The following GTF2E1 variants were observed in gnomAD, a reference collection of about 807,000 sequenced individuals.
GTF2E1 encodes the protein TFIIE alpha subunit.
In GTF2E1, 14 loss-of-function variants were observed where a neutral mutation model predicts 34.9. That is an observed-to-expected ratio of 0.40 (90% CI 0.27 to 0.63). The LOEUF is 0.63. GTF2E1 is among the 20% of genes least tolerant of loss of function. The probability of loss-of-function intolerance (pLI) is 0.39; values close to 1 mark genes in which losing one functional copy is unlikely to be tolerated. For missense variants in GTF2E1, 469 were observed against 557.7 expected (o/e 0.84, Z 1.60); for synonymous variants, 188 against 192.9 (o/e 0.97, Z 0.21).
chr3:120,754,132 T>C (rs1434390902), intron 2 of GTF2E1, among the ~76,000 whole-genome samples: 1 of 152,214 alleles, frequency 6.6e-6, no homozygotes, highest in African/African-American at 2.4e-5. Context: ...GGTGATTTAG[T>C]TAATCACCCT....
chr3:120,778,425 C>T (rs1002798594), intron 4 of GTF2E1, among the ~76,000 whole-genome samples: 9 of 152,122 alleles, frequency 5.9e-5, no homozygotes, highest in Non-Finnish European at 1.0e-4. Context: ...CTTGATTTTC[C>T]TCAAACTTCA....
At chr3:120,762,289 G>A (rs1709271285) in intron 2 of GTF2E1, among the ~76,000 whole-genome samples, 2 of 152,094 alleles carry the variant, frequency 1.3e-5, no homozygotes, top group South Asian at 2.1e-4. Context: ...CTGTCTCGTT[G>A]ATCTGTCTAA....
At chr3:120,780,985 C>T (rs572137132) in intron 4 of GTF2E1, 58 bp from the exon 5 acceptor site, 1 of 1,086,968 alleles carries the variant, frequency 9.2e-7, no homozygotes, top group African/African-American at 1.6e-5. Context: ...TGTCTATATG[C>T]TATAAAGAAA....
In GTF2E1 at chr3:120,770,861, A is replaced by G; in HGVS notation, c.582A>G (p.Thr194=). 1 of 1,613,728 alleles carries G rather than the reference A, an allele frequency of 6.2e-7. No individual in the cohort carries two copies. Among genetic ancestry groups the G allele is most frequent in the Admixed American group, 1.7e-5 (1 of 60,004 alleles). ...IEPIYALLRE[T]EDVNLAYEIL... Reference sequence around the variant, plus strand: ...CCATTTATGCATTGCTTCGGGAGACAGAGGATGTGAACTTGGCCTATGAAA... The same window carrying G: ...CCATTTATGCATTGCTTCGGGAGACGGAGGATGTGAACTTGGCCTATGAAA... Residue 194 remains threonine (T), a synonymous_variant, in exon 3 of 5, where the codon ACA becomes ACG. Transcript: ENST00000283875.
rs924501112 is a variant in GTF2E1 at position 120,782,295 on chromosome 3, G to C, written c.*825G>C. On this transcript the variant is annotated 3_prime_UTR_variant, in exon 5 of 5. Coordinates refer to ENST00000283875, the MANE Select transcript of GTF2E1 (RefSeq NM_005513.3). ...TCAATATGTAAGGGGAGGTGGGAGC[G>C]TGTGTGGAAGGGGGAGAGATATACT... is the stretch of plus-strand genomic sequence containing the variant. 6.6e-6 allele frequency: 1 copy of C among 152,158 alleles called. No homozygotes were observed. Among genetic ancestry groups the C allele is most frequent in the Non-Finnish European group, 1.5e-5 (1 of 68,026 alleles). The allele number at this position is 152,158 out of a possible 1,614,324, so 9.4% of individuals were successfully genotyped here. A position where few individuals can be genotyped will look rare whatever the true frequency, so the allele number is the denominator to read the frequency against.
At position 120,781,252 on chromosome 3, in the gene GTF2E1, C is replaced by A; in HGVS notation, c.1102C>A (p.Arg368Ser). The A allele has an allele frequency of 1.2e-6, 2 of 1,614,074 alleles. No individual in the cohort carries two copies. Among genetic ancestry groups the A allele is most frequent in the Non-Finnish European group, 1.7e-6 (2 of 1,179,968 alleles). ...TGAGTCAGATGATGATTCTCCACCC[C>A]GTCCGGCAGCTGTGGCTGTGCATAA... The part of the protein sequence containing the change: ...TSESDDDSPP[R>S]PAAVAVHKRE... The change falls in exon 5 of 5, where the codon CGT (arginine) becomes AGT (serine). Residue 368 changes from arginine to serine, a missense_variant. Physicochemically the swap from Arg to Ser is moderately radical, Grantham distance 110. Transcript: ENST00000283875.
At chr3:120,758,300 C>CA (rs1709227515) in intron 2 of GTF2E1, among the ~76,000 whole-genome samples, 2 of 152,160 alleles carry the variant, frequency 1.3e-5, no homozygotes, top group South Asian at 4.1e-4. Context: ...TCTGTCATAA[C>CA]AGAGAAACTA....
At position 120,744,579 on chromosome 3, in the gene GTF2E1, A is replaced by T. The variant is rs114280468; in HGVS notation, c.-31+1785A>T. Among the ~76,000 whole-genome samples the T allele has an allele frequency of 3.4e-3, 517 of 152,264 alleles. 1 individual carries two copies. Among genetic ancestry groups the T allele is most frequent in the African/African-American group, 0.012 (497 of 41,534 alleles). ...TCCTAGCTACGCTGGCTCAAAACAG[A>T]GAGCTATTTAAGATTTTTCCTACTC... On this transcript the variant is annotated intron_variant, in intron 1 of 4. Coordinates refer to ENST00000283875, the MANE Select transcript of GTF2E1 (RefSeq NM_005513.3).
intron 1 of GTF2E1, among the ~76,000 whole-genome samples, chr3:120,749,500 T>C (rs1315867338): frequency 6.6e-6 from 1 of 152,220 alleles, no homozygotes; most frequent in Non-Finnish European, 1.5e-5. Flanking sequence ...TTTCTGCATC[T>C]ATTGAGATAA....
rs1223139087 is a variant in GTF2E1 at position 120,776,618 on chromosome 3, A to G, written c.846A>G (p.Arg282=). 4 of 1,613,890 alleles carry G rather than the reference A, an allele frequency of 2.5e-6. No individual in the cohort carries two copies. Among genetic ancestry groups the G allele is most frequent in the South Asian group, 2.2e-5 (2 of 91,074 alleles). ...CCAAAGAGAGGCCTATTTGGTTGAGAGAAAGCACTGTCCAAGGGGCATATG... is the reference window on the plus strand; with the variant it reads ...CCAAAGAGAGGCCTATTTGGTTGAGGGAAAGCACTGTCCAAGGGGCATATG... ...KSAKERPIWL[R]ESTVQGAYGS... The change falls in exon 4 of 5, where the codon AGA becomes AGG. Residue 282 remains arginine (R), a synonymous_variant. Coordinates refer to ENST00000283875, the MANE Select transcript of GTF2E1 (RefSeq NM_005513.3).
At chr3:120,751,542 ATTG>A (rs1709164836) in intron 2 of GTF2E1, among the ~76,000 whole-genome samples, 1 of 152,196 alleles carries the variant, frequency 6.6e-6, no homozygotes, top group Admixed American at 6.5e-5. Context: ...GATACACATT[ATTG>A]TTGGAAGAAA....
intron 2 of GTF2E1, among the ~76,000 whole-genome samples, chr3:120,769,288 A>G (rs191457246): frequency 5.7e-4 from 86 of 151,864 alleles, no homozygotes; most frequent in Non-Finnish European, 8.4e-4. Context: ...TATGTTCGTG[A>G]CCATTAGTCA....
At chr3:120,757,795 TATTG>T (rs1709221683) in intron 2 of GTF2E1, among the ~76,000 whole-genome samples, 1 of 152,372 alleles carries the variant, frequency 6.6e-6, no homozygotes, top group Non-Finnish European at 1.5e-5. Context: ...AGCTTCTGCA[TATTG>T]ATTAAGAGGG....
intron 1 of GTF2E1, among the ~76,000 whole-genome samples, chr3:120,749,111 G>A (rs1450883593): frequency 6.6e-6 from 1 of 152,202 alleles, no homozygotes; most frequent in Non-Finnish European, 1.5e-5. Flanking sequence ...TGTGTCCTGA[G>A]ACTTTTTGCT....
intron 2 of GTF2E1, among the ~76,000 whole-genome samples, chr3:120,766,109 A>G (rs977498856): frequency 2.0e-5 from 3 of 152,192 alleles, no homozygotes; most frequent in Admixed American, 1.3e-4. Context: ...GATGTTTATC[A>G]TATTGCTTAA....
intron 1 of GTF2E1, chr3:120,743,115 CGCGGTAGTTT>C (rs1397808584): frequency 6.4e-6 from 1 of 155,318 alleles, no homozygotes; most frequent in Non-Finnish European, 1.4e-5. Context: ...CCGGAGGTTT[CGCGGTAGTTT>C]GCCGCTGTGT....
chr3:120,757,409 TCTG>T (rs1304465693), intron 2 of GTF2E1, among the ~76,000 whole-genome samples: 1 of 152,222 alleles, frequency 6.6e-6, no homozygotes, highest in East Asian at 1.9e-4. Context: ...AAACATTAAA[TCTG>T]CTTTTTTTTT....
At chr3:120,773,293 T>C (rs1709368021) in intron 3 of GTF2E1, among the ~76,000 whole-genome samples, 1 of 152,128 alleles carries the variant, frequency 6.6e-6, no homozygotes, top group Non-Finnish European at 1.5e-5. Flanking sequence ...AGTTTTGAAA[T>C]GGCCCATCCT....
At chr3:120,742,883 A>G (rs1162798772) in intron 1 of GTF2E1, 89 bp downstream of exon 1, 4 of 305,082 alleles carry the variant, frequency 1.3e-5, no homozygotes, top group South Asian at 2.8e-5. Context: ...CCTCTTAACT[A>G]TCCTCCCCTA....
Sources: gnomAD v4.1 joint callset for allele counts (sites outside exome capture counted in the v4.1 genomes callset) on GRCh38, gnomAD v4.1.1 for gene constraint, MANE v1.5 for transcripts, NCBI Gene and HGNC (gene_info 2026-07-23, HGNC 2026-07-21) for gene names.